The following ABCA13 variants were observed in gnomAD, a reference collection of about 807,000 sequenced individuals.
ABCA13 encodes ATP binding cassette subfamily A member 13, also known as ATP-binding cassette sub-family A member 13.
In ABCA13, 476 loss-of-function variants were observed where a neutral mutation model predicts 478.7. That is an observed-to-expected ratio of 0.99 (90% CI 0.92 to 1.07). The LOEUF (loss-of-function observed/expected upper bound fraction) is 1.07, where lower values mean the gene tolerates loss of function less well. ABCA13 is among the 50% of genes least tolerant of loss of function. The probability of loss-of-function intolerance (pLI) is 0.00; values close to 1 mark genes in which losing one functional copy is unlikely to be tolerated. For missense variants in ABCA13, 6,060 were observed against 5,910.6 expected, an observed-to-expected ratio of 1.03 and a Z score of -0.83; for synonymous variants, 2,252 against 2,158.9, an observed-to-expected ratio of 1.04 and a Z score of -1.20.
At chr7:48,341,285 G>A (rs1391248368) in intron 29 of ABCA13, among the ~76,000 whole-genome samples, 1 of 151,908 alleles carries the variant, frequency 6.6e-6, no homozygotes, top group Non-Finnish European at 1.5e-5. Flanking sequence ...CTGTGCAGAC[G>A]CCACCCAGAC....
At chr7:48,347,835 G>C (rs1279995923) in intron 29 of ABCA13, among the ~76,000 whole-genome samples, 1 of 152,212 alleles carries the variant, frequency 6.6e-6, no homozygotes, top group Non-Finnish European at 1.5e-5. Flanking sequence ...GTTATACTAG[G>C]AAATAGTTAT....
chr7:48,630,060 A>G (rs1794039703), intron 59 of ABCA13, among the ~76,000 whole-genome samples: 1 of 152,116 alleles, frequency 6.6e-6, no homozygotes, highest in Non-Finnish European at 1.5e-5. Flanking sequence ...TAGATTTAAA[A>G]TTTTTATGTG....
At chr7:48,570,522 A>G (rs1787528833) in intron 55 of ABCA13, among the ~76,000 whole-genome samples, 1 of 151,670 alleles carries the variant, frequency 6.6e-6, no homozygotes. Context: ...ACGGGGTTTC[A>G]CCATGTTAGC....
At chr7:48,456,408 A>G (rs2043391) in intron 43 of ABCA13, among the ~76,000 whole-genome samples, 28,610 of 152,196 alleles carry the variant, frequency 0.19, 3,112 homozygotes, top group African/African-American at 0.29. Context: ...TAAAAGGGCT[A>G]TCACTATTTT....
At chr7:48,406,966 G>C (rs1818348222) in intron 39 of ABCA13, among the ~76,000 whole-genome samples, 1 of 151,940 alleles carries the variant, frequency 6.6e-6, no homozygotes. Flanking sequence ...TTCCTTAACA[G>C]CCACTAAAAA....
intron 59 of ABCA13, among the ~76,000 whole-genome samples, chr7:48,632,493 C>T (rs931927344): frequency 5.9e-5 from 9 of 151,996 alleles, no homozygotes; most frequent in African/African-American, 1.9e-4. Flanking sequence ...TTGCCAAATC[C>T]GAGGTCATGA....
chr7:48,404,924 T>A (rs763152244), intron 39 of ABCA13, among the ~76,000 whole-genome samples: 1 of 152,218 alleles, frequency 6.6e-6, no homozygotes, highest in African/African-American at 2.4e-5. Flanking sequence ...AGCAAGCAGA[T>A]GTGACTTTTT....
At chr7:48,559,590 C>G (rs556286718) in intron 55 of ABCA13, among the ~76,000 whole-genome samples, 1 of 152,212 alleles carries the variant, frequency 6.6e-6, no homozygotes, top group East Asian at 1.9e-4. Flanking sequence ...CTCTGCCCTT[C>G]TCAAGCAGAA....
intron 36 of ABCA13, 66 bp from the exon 37 acceptor site, chr7:48,388,967 GAATTAAT>G: frequency 6.6e-7 from 1 of 1,504,972 alleles, no homozygotes; most frequent in Non-Finnish European, 9.1e-7. Flanking sequence ...GCAGAATGCT[GAATTAAT>G]AAATATGAGC....
At chr7:48,625,277 C>A (rs1793558749) in intron 59 of ABCA13, among the ~76,000 whole-genome samples, 1 of 152,160 alleles carries the variant, frequency 6.6e-6, no homozygotes, top group East Asian at 1.9e-4. Flanking sequence ...AAGATTGCAT[C>A]ACCACATAAT....
At chr7:48,391,529 AT>A (rs1171808137) in intron 37 of ABCA13, among the ~76,000 whole-genome samples, 3 of 152,176 alleles carry the variant, frequency 2.0e-5, no homozygotes, top group Admixed American at 6.5e-5. Context: ...GTGATAGATG[AT>A]TTTGCCCAGC....
At chr7:48,411,019 C>T (rs933969003) in intron 40 of ABCA13, among the ~76,000 whole-genome samples, 15 of 117,052 alleles carry the variant, frequency 1.3e-4, no homozygotes, top group African/African-American at 4.7e-4. Flanking sequence ...TTCTTTCTTT[C>T]TTTCTTTCTT....
intron 55 of ABCA13, among the ~76,000 whole-genome samples, chr7:48,558,830 GC>G (rs1230131528): frequency 6.6e-6 from 1 of 152,114 alleles, no homozygotes; most frequent in Non-Finnish European, 1.5e-5. Flanking sequence ...TTCCTGGATG[GC>G]CTTGATGTTC....
intron 61 of ABCA13, 115 bp from the exon 62 acceptor site, chr7:48,645,302 T>A (rs531685878): frequency 1.4e-5 from 10 of 693,452 alleles, no homozygotes; most frequent in Middle Eastern, 2.5e-4. Context: ...GAATTAATGA[T>A]CTGTGGTTTT....
chr7:48,220,620 A>G (rs1334724527), intron 4 of ABCA13, among the ~76,000 whole-genome samples: 10 of 152,120 alleles, frequency 6.6e-5, no homozygotes, highest in Non-Finnish European at 1.3e-4. Context: ...AGGGCTGGCC[A>G]TGGCCTGCCT....
chr7:48,241,687 A>G (rs1033239361), intron 10 of ABCA13, among the ~76,000 whole-genome samples: 1 of 152,174 alleles, frequency 6.6e-6, no homozygotes, highest in Non-Finnish European at 1.5e-5. Flanking sequence ...TGATTTCTCA[A>G]TATTATCTCA....
chr7:48,455,401 T>G, intron 43 of ABCA13, 115 bp downstream of exon 43: 1 of 1,377,374 alleles, frequency 7.3e-7, no homozygotes, highest in South Asian at 1.5e-5. Context: ...AATGTTTTCA[T>G]TATTTCCGAG....
At chr7:48,512,254 C>T (rs1831755125) in intron 51 of ABCA13, among the ~76,000 whole-genome samples, 1 of 152,114 alleles carries the variant, frequency 6.6e-6, no homozygotes, top group African/African-American at 2.4e-5. Context: ...GTCTAATCCT[C>T]AGTTTTTTCT....
intron 55 of ABCA13, among the ~76,000 whole-genome samples, chr7:48,566,820 T>A (rs998606355): frequency 1.3e-5 from 2 of 152,158 alleles, no homozygotes; most frequent in Non-Finnish European, 2.9e-5. Context: ...TTTAAGCCAA[T>A]AAAATAGAGC....
Sources: allele counts gnomAD v4.1 joint callset (sites outside exome capture counted in the v4.1 genomes callset), GRCh38; gene constraint gnomAD v4.1.1; transcripts MANE v1.5; gene names NCBI Gene and HGNC (gene_info 2026-07-23, HGNC 2026-07-21).